The following MYRIP variants were observed in gnomAD, a reference collection of about 807,000 sequenced individuals.
The protein encoded by MYRIP is rab effector MyRIP.
A neutral mutation model predicts 98.0 loss-of-function variants in MYRIP; 49 were observed. The observed-to-expected ratio is 0.50, with a 90% confidence interval of 0.40 to 0.63. The LOEUF (loss-of-function observed/expected upper bound fraction) is 0.63, where lower values mean the gene tolerates loss of function less well. Ranked by LOEUF, MYRIP falls within the 30% of genes least tolerant of loss-of-function variation. The probability of loss-of-function intolerance (pLI) is 0.00; values close to 1 mark genes in which losing one functional copy is unlikely to be tolerated. For synonymous variants in MYRIP, 404 were observed against 409.5 expected, an observed-to-expected ratio of 0.99 and a Z score of 0.16; for missense variants, 1,004 against 1,058.2, an observed-to-expected ratio of 0.95 and a Z score of 0.71.
At position 40,233,859 on chromosome 3, in the gene MYRIP, A is replaced by G; in HGVS notation, c.1906A>G (p.Lys636Glu). 1.2e-6 allele frequency: 2 copies of G among 1,611,570 alleles called. No individual in the cohort carries two copies. The highest frequency in any genetic ancestry group is 8.5e-7 in the Non-Finnish European group (1 of 1,179,278). Residue 636 changes from lysine to glutamate, a missense_variant and splice_region_variant, in exon 12 of 17, where the codon AAG becomes GAG. By Grantham distance (56) the Lys-to-Glu change is moderately conservative (BLOSUM62 1). Around this residue, in one of 3 missense-constraint regions of MYRIP, gnomAD observed 880 missense variants for 907.7 expected, o/e 0.97. Transcript: ENST00000302541. The stretch of plus-strand genomic sequence containing the variant: ...CCCCTTCTGTTATCGGACCAAACAG[A>G]AGTTTTCTGCTGTTTCTCTCTGCAA... ...SQSVQEELKK[K>E]FSAVSLCNIS... is the part of the protein sequence containing the mutation.
intron 1 of MYRIP, among the ~76,000 whole-genome samples, chr3:39,815,010 T>C (rs1408056996): frequency 1.3e-5 from 2 of 152,202 alleles, no homozygotes; most frequent in Non-Finnish European, 2.9e-5. Flanking sequence ...TCAGTTGAGG[T>C]ATAAGTCACA....
intron 2 of MYRIP, among the ~76,000 whole-genome samples, chr3:39,956,193 G>A (rs146197553): frequency 0.03 from 4,486 of 152,024 alleles, 206 homozygotes; most frequent in African/African-American, 0.1. Context: ...AGACATCTGC[G>A]GAACTCTCCA....
intron 10 of MYRIP, among the ~76,000 whole-genome samples, chr3:40,194,146 T>G (rs922712684): frequency 6.6e-6 from 1 of 152,088 alleles, no homozygotes; most frequent in Non-Finnish European, 1.5e-5. Context: ...GCCTTAAATT[T>G]GCAAGGGTTA....
chr3:40,063,958 T>G (rs997159697), intron 3 of MYRIP, among the ~76,000 whole-genome samples: 2 of 152,026 alleles, frequency 1.3e-5, no homozygotes, highest in African/African-American at 4.8e-5. Context: ...ATGCATGCGC[T>G]GGACTTCCAT....
chr3:40,233,489 A>T (rs1472584535), intron 11 of MYRIP, among the ~76,000 whole-genome samples: 1 of 152,176 alleles, frequency 6.6e-6, no homozygotes, highest in Non-Finnish European at 1.5e-5. Context: ...ACTGGACCAC[A>T]CTTCAGTCTG....
chr3:40,037,542 G>A (rs541394277), intron 2 of MYRIP, among the ~76,000 whole-genome samples: 44 of 152,092 alleles, frequency 2.9e-4, no homozygotes, highest in Admixed American at 1.4e-3. Flanking sequence ...TTCCCTGTGA[G>A]CCACTAAATC....
At chr3:39,810,106 C>A (rs541528587) in intron 1 of MYRIP, among the ~76,000 whole-genome samples, 190 bp downstream of exon 1, 1 of 152,228 alleles carries the variant, frequency 6.6e-6, no homozygotes, top group Admixed American at 6.5e-5. Context: ...GGGCGAGGGG[C>A]GCGGGTACTT....
intron 2 of MYRIP, among the ~76,000 whole-genome samples, chr3:39,988,719 C>CT (rs1248285177): frequency 7.3e-5 from 11 of 151,606 alleles, no homozygotes; most frequent in Admixed American, 1.3e-4. Context: ...CTTTTCATTT[C>CT]TTTTTTCTCT....
intron 10 of MYRIP, among the ~76,000 whole-genome samples, chr3:40,196,985 C>G (rs967795158): frequency 6.6e-6 from 1 of 152,180 alleles, no homozygotes; most frequent in African/African-American, 2.4e-5. Flanking sequence ...ACATTCTCTA[C>G]CTTATCCCTG....
At chr3:39,844,418 G>A (rs1265763806) in intron 1 of MYRIP, among the ~76,000 whole-genome samples, 1 of 152,208 alleles carries the variant, frequency 6.6e-6, no homozygotes, top group Non-Finnish European at 1.5e-5. Flanking sequence ...CAGACGTGAG[G>A]TTTCCCCTGC....
At chr3:39,812,667 A>G (rs1402972903) in intron 1 of MYRIP, among the ~76,000 whole-genome samples, 4 of 152,250 alleles carry the variant, frequency 2.6e-5, no homozygotes, top group African/African-American at 4.8e-5. Context: ...TTCCTCAAAG[A>G]TAAAAAGTTG....
chr3:40,137,473 C>T (rs1207463490), intron 3 of MYRIP, among the ~76,000 whole-genome samples: 1 of 152,160 alleles, frequency 6.6e-6, no homozygotes, highest in Non-Finnish European at 1.5e-5. Flanking sequence ...GAACTGGTAC[C>T]ATTCCTTCTG....
At chr3:39,955,114 C>T (rs1945122320) in intron 2 of MYRIP, among the ~76,000 whole-genome samples, 1 of 152,160 alleles carries the variant, frequency 6.6e-6, no homozygotes, top group Non-Finnish European at 1.5e-5. Flanking sequence ...GGATATTATA[C>T]AGGAGAACTT....
intron 2 of MYRIP, among the ~76,000 whole-genome samples, chr3:40,002,303 G>A (rs2125786618): frequency 6.6e-6 from 1 of 152,276 alleles, no homozygotes; most frequent in East Asian, 1.9e-4. Flanking sequence ...GGGAAGCTGA[G>A]GTGGGTGGAT....
chr3:40,025,596 T>C (rs4497975), intron 2 of MYRIP, among the ~76,000 whole-genome samples: 10,195 of 152,208 alleles, frequency 0.067, 486 homozygotes, highest in East Asian at 0.18. Context: ...CCGCCCCCAA[T>C]ATTTCAATGT....
intron 3 of MYRIP, among the ~76,000 whole-genome samples, chr3:40,131,228 A>G (rs1262052572): frequency 1.3e-5 from 2 of 152,200 alleles, no homozygotes; most frequent in Non-Finnish European, 2.9e-5. Context: ...TAAACTCCAT[A>G]TAAGCAAAGC....
intron 1 of MYRIP, among the ~76,000 whole-genome samples, chr3:39,893,906 A>G (rs1575353718): frequency 6.6e-6 from 1 of 152,316 alleles, no homozygotes; most frequent in Non-Finnish European, 1.5e-5. Context: ...ATATTTTAGT[A>G]ACTTGAACAA....
At chr3:39,989,396 G>A (rs1208359204) in intron 2 of MYRIP, among the ~76,000 whole-genome samples, 1 of 152,172 alleles carries the variant, frequency 6.6e-6, no homozygotes, top group African/African-American at 2.4e-5. Flanking sequence ...GCAAAGATGG[G>A]TGCCTGCTCC....
intron 11 of MYRIP, among the ~76,000 whole-genome samples, chr3:40,233,213 G>A (rs1051256176): frequency 6.6e-6 from 1 of 152,218 alleles, no homozygotes; most frequent in Non-Finnish European, 1.5e-5. Context: ...ACACCTAGCT[G>A]CAAGGGAAGT....
Sources: gnomAD v4.1 joint callset for allele counts (sites outside exome capture counted in the v4.1 genomes callset) on GRCh38, gnomAD v4.1.1 for gene constraint, gnomAD v4.1.1 regional missense constraint, MANE v1.5 for transcripts, NCBI Gene and HGNC (gene_info 2026-07-23, HGNC 2026-07-21) for gene names.